The following ITPRIPL2 variants were observed in gnomAD, a reference collection of about 807,000 sequenced individuals.
ITPRIPL2 encodes inositol 1,4,5-trisphosphate receptor-interacting protein-like 2.
Under a neutral mutation model 31.7 loss-of-function variants are expected in ITPRIPL2, and 29 were observed. The ratio of observed to expected loss-of-function variants is 0.91; its 90% CI spans 0.68 to 1.25. The LOEUF (loss-of-function observed/expected upper bound fraction) is 1.25. Ranked by LOEUF, ITPRIPL2 falls within the 50% of genes most tolerant of loss-of-function variation. ITPRIPL2 has a pLI of 0.00. For synonymous variants in ITPRIPL2, 344 were observed against 343.4 expected, an observed-to-expected ratio of 1.00 and a Z score of -0.02; for missense variants, 696 against 739.1, an observed-to-expected ratio of 0.94 and a Z score of 0.68.
rs1443599554 is a variant in ITPRIPL2 at position 19,120,827 on chromosome 16, G to A, written c.*4758G>A. 6.0e-6 allele frequency: 1 copy of A among 166,536 alleles called. No homozygotes were observed. Among genetic ancestry groups the A allele is most frequent in the African/African-American group, 2.4e-5 (1 of 41,262 alleles). 10.3% of individuals were successfully genotyped at this position (166,536 alleles called of 1,614,324 possible). ...TTGACATCCTAGCAAACACTGTGAA[G>A]GAATTAACCTAAGTGCTTCCAGAGC... On this transcript the variant is annotated 3_prime_UTR_variant, in exon 1 of 1. Transcript: ENST00000381440.
chr16:19,114,732 C>T lies in ITPRIPL2; in HGVS notation c.271C>T (p.His91Tyr). Reference protein sequence around the residue: ...LEGHAAFSSRHFREPGLSILL... With the variant: ...LEGHAAFSSRYFREPGLSILL... ...GGGTCACGCCGCCTTCTCCTCGAGACACTTCCGAGAGCCGGGCCTCAGCAT... is the reference window on the plus strand; with the variant it reads ...GGGTCACGCCGCCTTCTCCTCGAGATACTTCCGAGAGCCGGGCCTCAGCAT... The change falls in exon 1 of 1, where the codon CAC (histidine) becomes TAC (tyrosine). Residue 91 changes from histidine to tyrosine, a missense_variant. By Grantham distance (83) the His-to-Tyr change is moderately conservative. Transcript: ENST00000381440. 1.2e-6 allele frequency: 2 copies of T among 1,612,860 alleles called. No homozygotes were observed. The highest frequency in any genetic ancestry group is 1.7e-6 in the Non-Finnish European group (2 of 1,179,918).
rs1254512545 is a variant in ITPRIPL2, at chr16:19,116,271, T to G, written c.*202T>G. 2 of 544,992 alleles carry G rather than the reference T, an allele frequency of 3.7e-6. No individual in the cohort carries two copies. Among genetic ancestry groups the G allele is most frequent in the Non-Finnish European group, 3.3e-6 (1 of 305,774 alleles). 33.8% of individuals were successfully genotyped at this position (544,992 alleles called of 1,614,324 possible). On this transcript the variant is annotated 3_prime_UTR_variant, in exon 1 of 1. Coordinates refer to ENST00000381440, the MANE Select transcript of ITPRIPL2 (RefSeq NM_001034841.4). ...TATGACATCTTCACACCCACTAGAG[T>G]GTCCTGGGCAAACCATGGGAAGACA...
At position 19,118,879 on chromosome 16, in the gene ITPRIPL2, C is replaced by T; in HGVS notation, c.*2810C>T. Reference sequence around the variant, plus strand: ...TTGCCCAAGACAGTTAAATTAAGCTCAATTCTGTATTTTATTAGGGCTCTG... The same window carrying T: ...TTGCCCAAGACAGTTAAATTAAGCTTAATTCTGTATTTTATTAGGGCTCTG... On this transcript the variant is annotated 3_prime_UTR_variant, in exon 1 of 1. Coordinates refer to ENST00000381440, the MANE Select transcript of ITPRIPL2 (RefSeq NM_001034841.4). 3 of 412,264 alleles carry T rather than the reference C, an allele frequency of 7.3e-6. No individual in the cohort carries two copies. The highest frequency in any genetic ancestry group is 3.6e-5 in the East Asian group (1 of 28,040). 25.5% of individuals were successfully genotyped at this position (412,264 alleles called of 1,614,324 possible). A position where few individuals can be genotyped will look rare whatever the true frequency, so the allele number is the denominator to read the frequency against.
Position 19,121,274 on chromosome 16 carries a change from A to G in ITPRIPL2, c.*5205A>G, listed in dbSNP as rs958670359. The G allele has an allele frequency of 1.8e-5, 3 of 167,044 alleles. No homozygotes were observed. Among genetic ancestry groups the G allele is most frequent in the African/African-American group, 7.2e-5 (3 of 41,428 alleles). 10.3% of individuals were successfully genotyped at this position (167,044 alleles called of 1,614,324 possible). On this transcript the variant is annotated 3_prime_UTR_variant, in exon 1 of 1. Coordinates refer to ENST00000381440, the MANE Select transcript of ITPRIPL2 (RefSeq NM_001034841.4). The stretch of plus-strand genomic sequence containing the variant: ...TGTTAAACAACTTTTTGCTTTTGAA[A>G]AAAAAAGGTGCCTTGATTCAGTTGC...
chr16:19,119,260 A>G lies in ITPRIPL2; in HGVS notation c.*3191A>G, dbSNP rs533043383. ...GAGGACTTAAGATGAAAGTGAAGCA[A>G]GAGAGGGAAGGGGAAATGAAGTGAA... On this transcript the variant is annotated 3_prime_UTR_variant, in exon 1 of 1. Transcript: ENST00000381440. The G allele has an allele frequency of 9.4e-5, 38 of 405,490 alleles. No individual in the cohort carries two copies. The highest frequency in any genetic ancestry group is 7.8e-4 in the African/African-American group (38 of 48,602). 25.1% of individuals were successfully genotyped at this position (405,490 alleles called of 1,614,324 possible).
chr16:19,115,271 G>A lies in ITPRIPL2; in HGVS notation c.810G>A (p.Leu270=). 1 of 1,612,658 alleles carries A rather than the reference G, an allele frequency of 6.2e-7. No individual in the cohort carries two copies. Among genetic ancestry groups the A allele is most frequent in the African/African-American group, 1.3e-5 (1 of 75,076 alleles). The part of the protein sequence containing the change: ...QRSLATVRYS[L]EGRCRVTLTP... ...CCTTGGCCACTGTGCGTTACAGCCT[G>A]GAGGGGCGCTGTCGGGTCACCTTGA... The change falls in exon 1 of 1, where the codon CTG becomes CTA. Residue 270 remains leucine (L), a synonymous_variant. Coordinates refer to ENST00000381440, the MANE Select transcript of ITPRIPL2 (RefSeq NM_001034841.4).
chr16:19,114,299 C>G lies in ITPRIPL2; in HGVS notation c.-163C>G, dbSNP rs1017930999. On this transcript the variant is annotated 5_prime_UTR_variant, in exon 1 of 1. Transcript: ENST00000381440. ...GAACACTTGAGCTGGGAGAGGAGGC[C>G]GAGCTGGAGGGCGGCCTCCCTCGGG... The G allele has an allele frequency of 1.0e-4, 43 of 423,456 alleles. No individual in the cohort carries two copies. Among genetic ancestry groups the G allele is most frequent in the Admixed American group, 4.9e-4 (11 of 22,366 alleles). The allele number at this position is 423,456 out of a possible 1,614,324, so 26.2% of individuals were successfully genotyped here. A position where few individuals can be genotyped will look rare whatever the true frequency, so the allele number is the denominator to read the frequency against.
Position 19,114,617 on chromosome 16 carries a change from G to C in ITPRIPL2, c.156G>C (p.Lys52Asn). ...DGVDGGFPLL[K>N]VAVLLLLSYV... ...TGGATGGCGGCTTCCCGTTGCTTAA[G>C]GTGGCCGTCCTGCTCCTCCTCAGCT... Residue 52 changes from lysine to asparagine, a missense_variant, in exon 1 of 1, where the codon AAG becomes AAC. By Grantham distance (94) the Lys-to-Asn change is moderately conservative. Coordinates refer to ENST00000381440, the MANE Select transcript of ITPRIPL2 (RefSeq NM_001034841.4). The C allele has an allele frequency of 6.3e-7, 1 of 1,589,560 alleles. No individual in the cohort carries two copies. The highest frequency in any genetic ancestry group is 8.5e-7 in the Non-Finnish European group (1 of 1,171,024).
chr16:19,115,682 C>G lies in ITPRIPL2; in HGVS notation c.1221C>G (p.Leu407=). ...GACGCATCCTATCCTCATATGTGCT[C>G]AAGACAGTGCTGCTGGCAGTGCTGC... is the stretch of plus-strand genomic sequence containing the variant. The part of the protein sequence containing the change: ...QWGRILSSYV[L]KTVLLAVLLR... The change falls in exon 1 of 1, where the codon CTC becomes CTG. Residue 407 remains leucine (L), a synonymous_variant. Coordinates refer to ENST00000381440, the MANE Select transcript of ITPRIPL2 (RefSeq NM_001034841.4). 6.2e-7 allele frequency: 1 copy of G among 1,612,702 alleles called. No homozygotes were observed. The highest frequency in any genetic ancestry group is 1.6e-4 in the Middle Eastern group (1 of 6,062).
Position 19,115,362 on chromosome 16 carries a change from T to C in ITPRIPL2, c.901T>C (p.Cys301Arg). The change falls in exon 1 of 1, where the codon TGC becomes CGC. Residue 301 changes from cysteine to arginine, a missense_variant. Cys to Arg is a radical substitution (Grantham distance 180, BLOSUM62 -3). Transcript: ENST00000381440. ...ILPCRTDYGC[C>R]RLSMAVRLIP... ...GCCCTGCCGCACTGACTACGGCTGC[T>C]GCCGCCTTTCTATGGCTGTGCGTCT... 6.2e-7 allele frequency: 1 copy of C among 1,613,318 alleles called. No individual in the cohort carries two copies. Among genetic ancestry groups the C allele is most frequent in the Non-Finnish European group, 8.5e-7 (1 of 1,179,964 alleles).
At position 19,114,414 on chromosome 16, in the gene ITPRIPL2, G is replaced by C; in HGVS notation, c.-48G>C. ...GCATGCTGGGCTTGGGTCGCCGCCG[G>C]GGCTTGCCCCCTGGGCTGCTCGGCC... is the stretch of plus-strand genomic sequence containing the variant. On this transcript the variant is annotated 5_prime_UTR_variant, in exon 1 of 1. Coordinates refer to ENST00000381440, the MANE Select transcript of ITPRIPL2 (RefSeq NM_001034841.4). The C allele has an allele frequency of 7.8e-7, 1 of 1,289,324 alleles. No homozygotes were observed. Among genetic ancestry groups the C allele is most frequent in the Non-Finnish European group, 9.8e-7 (1 of 1,017,286 alleles). 79.9% of individuals were successfully genotyped at this position (1,289,324 alleles called of 1,614,324 possible).
rs747946327 is a variant in ITPRIPL2, at chr16:19,116,041, CCCAGGGCTTCCTTGAAGGTGAACCGTAAA to C, written c.1583_*3del. 123 of 1,597,252 alleles carry C rather than the reference CCCAGGGCTTCCTTGAAGGTGAACCGTAAA, an allele frequency of 7.7e-5. 1 individual carries two copies. In the Admixed American group the frequency reaches 2.0e-3, roughly 25 times the overall value. ...TGCCCCCCACCCCGGAGTCAGCGCA[CCCAGGGCTTCCTTGAAGGTGAACCGTAAA>C]CCCTGACAGCACCCCCACCTGACCA... On this transcript the variant is annotated stop_lost and 3_prime_UTR_variant, in exon 1 of 1. Transcript: ENST00000381440.
In ITPRIPL2 at chr16:19,114,974, C is replaced by T. The variant is rs372459531; in HGVS notation, c.513C>T (p.Pro171=). The T allele has an allele frequency of 4.7e-5, 75 of 1,601,834 alleles. No homozygotes were observed. The highest frequency in any genetic ancestry group is 6.1e-5 in the Non-Finnish European group (72 of 1,179,654). ...SAYEQHKIRR[P]DSFDVLVPLR... is the part of the protein sequence containing the mutation. ...ACGAGCAACATAAAATCCGCCGGCC[C>T]GACAGCTTCGACGTGCTGGTGCCAC... The change falls in exon 1 of 1, where the codon CCC becomes CCT. Residue 171 remains proline, a synonymous_variant. Coordinates refer to ENST00000381440, the MANE Select transcript of ITPRIPL2 (RefSeq NM_001034841.4).
At position 19,120,934 on chromosome 16, in the gene ITPRIPL2, C is replaced by G; in HGVS notation, c.*4865C>G. 6.0e-6 allele frequency: 1 copy of G among 166,978 alleles called. No homozygotes were observed. 10.3% of individuals were successfully genotyped at this position (166,978 alleles called of 1,614,324 possible). ...CTTGATGAAGACTTTGACTTCTCAT[C>G]CCTGTCTACATGGAGGAAGATGATT... is the stretch of plus-strand genomic sequence containing the variant. On this transcript the variant is annotated 3_prime_UTR_variant, in exon 1 of 1. Coordinates refer to ENST00000381440, the MANE Select transcript of ITPRIPL2 (RefSeq NM_001034841.4).
Position 19,114,003 on chromosome 16 carries a change from G to C in ITPRIPL2, c.-459G>C, listed in dbSNP as rs1236533914. ...GCTCCACGCTCGGCTCCAGACTCCGGCATTTCCTCCCCGCTAGCTGGCGCG... is the reference window on the plus strand; with the variant it reads ...GCTCCACGCTCGGCTCCAGACTCCGCCATTTCCTCCCCGCTAGCTGGCGCG... On this transcript the variant is annotated 5_prime_UTR_variant, in exon 1 of 1. Coordinates refer to ENST00000381440, the MANE Select transcript of ITPRIPL2 (RefSeq NM_001034841.4). The C allele has an allele frequency of 2.5e-6, 1 of 395,420 alleles. No homozygotes were observed. Among genetic ancestry groups the C allele is most frequent in the Non-Finnish European group, 4.5e-6 (1 of 224,006 alleles). The allele number at this position is 395,420 out of a possible 1,614,324, so 24.5% of individuals were successfully genotyped here.
rs1248708235 is a variant in ITPRIPL2, at chr16:19,120,625, A to ATATAT, written c.*4557_*4558insATATT. The stretch of plus-strand genomic sequence containing the variant: ...CTAATATATATATATATATATATAT[A>ATATAT]TTTTTTTTTTTTTTTTTTAGTAGAG... On this transcript the variant is annotated 3_prime_UTR_variant, in exon 1 of 1. Transcript: ENST00000381440. 1.1e-5 allele frequency: 1 copy of ATATAT among 92,190 alleles called. No individual in the cohort carries two copies. Among genetic ancestry groups the ATATAT allele is most frequent in the African/African-American group, 5.0e-5 (1 of 20,008 alleles). 5.7% of individuals were successfully genotyped at this position (92,190 alleles called of 1,614,324 possible). A position where few individuals can be genotyped will look rare whatever the true frequency, so the allele number is the denominator to read the frequency against.
Position 19,116,034 on chromosome 16 carries a change from C to G in ITPRIPL2, c.1573C>G (p.Gln525Glu), listed in dbSNP as rs1162419606. ...YLARCPPPRS[Q>E]RTQGFLEGEP ...TGCCAGGTGCCCCCCACCCCGGAGT[C>G]AGCGCACCCAGGGCTTCCTTGAAGG... Residue 525 changes from glutamine to glutamate, a missense_variant, in exon 1 of 1, where the codon CAG becomes GAG. By Grantham distance (29) the Gln-to-Glu change is conservative. Coordinates refer to ENST00000381440, the MANE Select transcript of ITPRIPL2 (RefSeq NM_001034841.4). 6.2e-7 allele frequency: 1 copy of G among 1,602,730 alleles called. No individual in the cohort carries two copies. The highest frequency in any genetic ancestry group is 1.3e-5 in the African/African-American group (1 of 74,716).
rs1168863821 is a variant in ITPRIPL2 at position 19,115,602 on chromosome 16, G to A, written c.1141G>A (p.Ala381Thr). 3.7e-6 allele frequency: 6 copies of A among 1,607,310 alleles called. No individual in the cohort carries two copies. In the Admixed American group the frequency reaches 8.3e-5, roughly 22 times the overall value. ...CCTCAAGTGCCTGCAGTTGCTTAAG[G>A]CTCTGCGCGATCTGGGGGCCCGTGG... Reference protein sequence around the residue: ...CYLKCLQLLKALRDLGARGLD... With the variant: ...CYLKCLQLLKTLRDLGARGLD... Residue 381 changes from alanine to threonine, a missense_variant, in exon 1 of 1, where the codon GCT (alanine) becomes ACT (threonine). Coordinates refer to ENST00000381440, the MANE Select transcript of ITPRIPL2 (RefSeq NM_001034841.4).
chr16:19,121,300 G>A lies in ITPRIPL2; in HGVS notation c.*5231G>A, dbSNP rs1255281303. 1.2e-5 allele frequency: 2 copies of A among 166,808 alleles called. No individual in the cohort carries two copies. The highest frequency in any genetic ancestry group is 2.1e-4 in the South Asian group (1 of 4,830). 10.3% of individuals were successfully genotyped at this position (166,808 alleles called of 1,614,324 possible). On this transcript the variant is annotated 3_prime_UTR_variant, in exon 1 of 1. Transcript: ENST00000381440. ...AAAAAAGGTGCCTTGATTCAGTTGC[G>A]TGACTTAGAACATTCATCCTATTTT...
Sources: allele counts gnomAD v4.1 joint callset, GRCh38; gene constraint gnomAD v4.1.1; transcripts MANE v1.5; gene names NCBI Gene and HGNC (gene_info 2026-07-23, HGNC 2026-07-21).